The following HIF1A variants were observed in gnomAD, a reference collection of about 807,000 sequenced individuals.
HIF1A encodes the protein hypoxia-inducible factor 1-alpha.
In HIF1A, 24 loss-of-function variants were observed where a neutral mutation model predicts 92.7. The ratio of observed to expected loss-of-function variants is 0.26; its 90% CI spans 0.19 to 0.36. The LOEUF is 0.36. HIF1A is among the 10% of genes least tolerant of loss of function. HIF1A has a pLI of 1.00. For synonymous variants in HIF1A, 319 were observed against 338.7 expected (o/e 0.94, Z 0.64); for missense variants, 799 against 998.5 (o/e 0.80, Z 2.69).
intron 4 of HIF1A, among the ~76,000 whole-genome samples, chr14:61,723,441 C>T (rs1594872262): frequency 6.6e-6 from 1 of 152,242 alleles, no homozygotes; most frequent in African/African-American, 2.4e-5. Flanking sequence ...AGTCCACGCT[C>T]ATTAGTCCTT....
intron 8 of HIF1A, 55 bp from the exon 9 acceptor site, chr14:61,736,834 C>G: frequency 8.3e-7 from 1 of 1,206,488 alleles, no homozygotes; most frequent in Non-Finnish European, 1.2e-6. Flanking sequence ...GTCTCCCTTC[C>G]CCTCACTGTA....
At chr14:61,720,677 CTT>C in intron 2 of HIF1A, 105 bp downstream of exon 2, 1 of 662,816 alleles carries the variant, frequency 1.5e-6, no homozygotes, top group Admixed American at 3.3e-5. Context: ...TTGTATACCT[CTT>C]TATATTGTGA....
chr14:61,736,894 T>C lies in HIF1A; in HGVS notation c.1034T>C (p.Ile345Thr). The change falls in exon 9 of 15, where the codon ATT (isoleucine) becomes ACT (threonine). Residue 345 changes from isoleucine to threonine, a missense_variant. By Grantham distance (89) the Ile-to-Thr change is moderately conservative. Coordinates refer to ENST00000337138, the MANE Select transcript of HIF1A (RefSeq NM_001530.4). ...AATTTCTCTTGTTTTGACAGTGGTA[T>C]TATTCAGCACGACTTGATTTTCTCC... The part of the protein sequence containing the change: ...IVCVNYVVSG[I>T]IQHDLIFSLQ... 6.2e-7 allele frequency: 1 copy of C among 1,609,574 alleles called. No homozygotes were observed. Among genetic ancestry groups the C allele is most frequent in the Non-Finnish European group, 8.5e-7 (1 of 1,175,922 alleles).
chr14:61,719,956 T>C (rs1218590423), intron 1 of HIF1A, among the ~76,000 whole-genome samples: 1 of 152,212 alleles, frequency 6.6e-6, no homozygotes, highest in African/African-American at 2.4e-5. Context: ...ACAACTCCTG[T>C]TTTCAAGTTA....
rs541001743 is a variant in HIF1A, at chr14:61,711,470, G to A, written c.36-8912G>A. Among the ~76,000 whole-genome samples, 47 of 152,238 alleles carry A rather than the reference G, an allele frequency of 3.1e-4. No homozygotes were observed. The South Asian group carries it at 3.3e-3, about 11-fold the overall frequency. ...AAAAGACATGAGTGTAGATGAAAGC[G>A]ATAAGGGAACTAATCTTAAACACTG... On this transcript the variant is annotated intron_variant, in intron 1 of 14. Coordinates refer to ENST00000337138, the MANE Select transcript of HIF1A (RefSeq NM_001530.4).
chr14:61,745,387 C>T (rs1443093970), intron 13 of HIF1A, among the ~76,000 whole-genome samples: 3 of 152,158 alleles, frequency 2.0e-5, no homozygotes, highest in Non-Finnish European at 4.4e-5. Flanking sequence ...CAGGCCACTG[C>T]ACTCCAGCCT....
At chr14:61,741,833 T>G (rs2044716066) in intron 12 of HIF1A, among the ~76,000 whole-genome samples, 1 of 152,216 alleles carries the variant, frequency 6.6e-6, no homozygotes, top group African/African-American at 2.4e-5. Flanking sequence ...CTACCCTCAC[T>G]ACTTAGATGC....
chr14:61,695,942 G>A lies in HIF1A; in HGVS notation c.35+103G>A, dbSNP rs533627425. ...CCTCGGCGTTAATGGGATTGGGGGG[G>A]GCAGCCTTTTTGTTTCTGCTGCTGC... On this transcript the variant is annotated intron_variant, in intron 1 of 14. Coordinates refer to ENST00000337138, the MANE Select transcript of HIF1A (RefSeq NM_001530.4). 9 of 1,104,576 alleles carry A rather than the reference G, an allele frequency of 8.1e-6. No individual in the cohort carries two copies. The African/African-American group carries it at 1.1e-4, about 14-fold the overall frequency. The allele number at this position is 1,104,576 out of a possible 1,614,324, so 68.4% of individuals were successfully genotyped here.
At chr14:61,736,180 A>G (rs2044635058) in intron 8 of HIF1A, among the ~76,000 whole-genome samples, 2 of 151,986 alleles carry the variant, frequency 1.3e-5, no homozygotes, top group South Asian at 4.1e-4. Context: ...GGGTTTTGCC[A>G]TGTTGGCCAG....
At chr14:61,741,392 G>A (rs188410509) in intron 12 of HIF1A, among the ~76,000 whole-genome samples, 1,705 of 136,168 alleles carry the variant, frequency 0.013, 9 homozygotes, top group Non-Finnish European at 0.018. Context: ...ACAGAGTCTC[G>A]CTTTGTCGCC....
chr14:61,716,206 T>C (rs1176054003), intron 1 of HIF1A, among the ~76,000 whole-genome samples: 1 of 85,248 alleles, frequency 1.2e-5, no homozygotes, highest in Non-Finnish European at 2.7e-5. Flanking sequence ...CATGGGGGAA[T>C]TGATATACAC....
rs141997782 is a variant in HIF1A, at chr14:61,732,424, C to T, written c.780C>T (p.Thr260=). Residue 260 remains threonine, a synonymous_variant, in exon 7 of 15, where the codon ACC becomes ACT. Transcript: ENST00000337138. ...TTGTATTTTTTACTAACAGAATTAC[C>T]GAATTGATGGGATATGAGCCAGAAG... ...MKFSYCDERI[T]ELMGYEPEEL... The T allele has an allele frequency of 5.3e-4, 843 of 1,594,242 alleles. 6 individuals carry two copies. The African/African-American group carries it at 9.3e-3, about 18-fold the overall frequency.
chr14:61,710,759 C>T (rs1230808977), intron 1 of HIF1A, among the ~76,000 whole-genome samples: 1 of 151,824 alleles, frequency 6.6e-6, no homozygotes, highest in Non-Finnish European at 1.5e-5. Context: ...AAAAGTAACC[C>T]TCCTTAAAAA....
chr14:61,705,252 A>C (rs1444707320), intron 1 of HIF1A, among the ~76,000 whole-genome samples: 2 of 152,148 alleles, frequency 1.3e-5, no homozygotes, highest in African/African-American at 4.8e-5. Context: ...TTTGATCATA[A>C]ACAAATGCAG....
chr14:61,740,402 TG>T, intron 10 of HIF1A, 102 bp from the exon 11 acceptor site: 1 of 814,348 alleles, frequency 1.2e-6, no homozygotes, highest in Non-Finnish European at 2.0e-6. Context: ...TGGACTTGGT[TG>T]TGTGTTTTCT....
intron 7 of HIF1A, among the ~76,000 whole-genome samples, chr14:61,732,832 T>C (rs537630685): frequency 3.0e-4 from 46 of 152,284 alleles, no homozygotes; most frequent in Non-Finnish European, 4.4e-5. Context: ...AGAACAGTGG[T>C]TGGTATGTAA....
chr14:61,714,626 T>G (rs897063285), intron 1 of HIF1A, among the ~76,000 whole-genome samples: 3 of 139,688 alleles, frequency 2.1e-5, no homozygotes, highest in African/African-American at 7.8e-5. Flanking sequence ...CATTATAGTA[T>G]GTGTGTTAGC....
intron 1 of HIF1A, chr14:61,697,813 C>G (rs577175897): frequency 6.7e-7 from 1 of 1,483,584 alleles, no homozygotes; most frequent in East Asian, 2.5e-5. Flanking sequence ...GGTTGAGGGA[C>G]GGAGATTTTC....
At chr14:61,744,873 G>A (rs2044758637) in intron 13 of HIF1A, 60 bp downstream of exon 13, 2 of 632,632 alleles carry the variant, frequency 3.2e-6, no homozygotes, top group Non-Finnish European at 2.8e-6. Flanking sequence ...GTGTGTGTGT[G>A]TGTGTGTGTG....
Sources: gnomAD v4.1 joint callset for allele counts (sites outside exome capture counted in the v4.1 genomes callset) on GRCh38, gnomAD v4.1.1 for gene constraint, MANE v1.5 for transcripts, NCBI Gene and HGNC (gene_info 2026-07-23, HGNC 2026-07-21) for gene names.